The following NPHP1 variants were observed in gnomAD, a reference collection of about 807,000 sequenced individuals.
The protein encoded by NPHP1 is nephrocystin-1.
Under a neutral mutation model 90.4 loss-of-function variants are expected in NPHP1, and 70 were observed. The observed-to-expected ratio is 0.77, with a 90% CI of 0.64 to 0.95. The LOEUF (loss-of-function observed/expected upper bound fraction) is 0.95. Ranked by LOEUF, NPHP1 falls within the 40% of genes least tolerant of loss-of-function variation. NPHP1 has a pLI of 0.00. For missense variants in NPHP1, 764 were observed against 795.9 expected, an observed-to-expected ratio of 0.96 and a Z score of 0.48; for synonymous variants, 256 against 271.7, an observed-to-expected ratio of 0.94 and a Z score of 0.57.
At chr2:110,172,074 G>A (rs1178897979) in intron 4 of NPHP1, among the ~76,000 whole-genome samples, 1 of 152,080 alleles carries the variant, frequency 6.6e-6, no homozygotes, top group Non-Finnish European at 1.5e-5. Context: ...AACTTCTTTA[G>A]TAAATATTTT....
intron 10 of NPHP1, among the ~76,000 whole-genome samples, chr2:110,161,317 C>A (rs1241583094): frequency 6.6e-6 from 1 of 152,120 alleles, no homozygotes; most frequent in Non-Finnish European, 1.5e-5. Flanking sequence ...ATTACTCCAT[C>A]TTTACAGATG....
rs541490834 is a variant in NPHP1, at chr2:110,149,682, T to C, written c.1158+500A>G. ...AGACCTTGGAGGTAGACGAAAGTAA[T>C]GTAAAATAAAATATGGACAATTGAT... On this transcript the variant is annotated intron_variant, in intron 12 of 19. Transcript: ENST00000445609. Among the ~76,000 whole-genome samples, 44 of 152,258 alleles carry C rather than the reference T, an allele frequency of 2.9e-4. 1 individual carries two copies. The highest frequency in any genetic ancestry group is 8.5e-4 in the Admixed American group (13 of 15,280).
At chr2:110,151,610 G>T (rs1040638968) in intron 11 of NPHP1, among the ~76,000 whole-genome samples, 1 of 152,008 alleles carries the variant, frequency 6.6e-6, no homozygotes, top group Non-Finnish European at 1.5e-5. Context: ...AGGAATATAG[G>T]AGTATTTTAT....
At chr2:110,176,552 A>G (rs773842752) in intron 4 of NPHP1, among the ~76,000 whole-genome samples, 13 of 152,048 alleles carry the variant, frequency 8.5e-5, no homozygotes, top group Non-Finnish European at 1.6e-4. Context: ...TGACTCACTT[A>G]CAGACTTTGG....
chr2:110,158,604 CT>C (rs1180991755), intron 11 of NPHP1, among the ~76,000 whole-genome samples: 1 of 151,914 alleles, frequency 6.6e-6, no homozygotes, highest in Non-Finnish European at 1.5e-5. Context: ...TTTTCTCATC[CT>C]TTTTTTCTCT....
chr2:110,161,786 G>C, intron 9 of NPHP1, 89 bp from the exon 10 acceptor site: 1 of 924,912 alleles, frequency 1.1e-6, no homozygotes, highest in South Asian at 1.4e-5. Context: ...CTAGAGTACA[G>C]GCACTTCCAA....
At chr2:110,171,936 G>A (rs1683153153) in intron 4 of NPHP1, among the ~76,000 whole-genome samples, 1 of 152,042 alleles carries the variant, frequency 6.6e-6, no homozygotes, top group South Asian at 2.1e-4. Context: ...ATTTGAAAGT[G>A]TTTCTTCTTT....
rs1424605988 is a variant in NPHP1 at position 110,159,301 on chromosome 2, T to C, written c.1083+826A>G. Among the ~76,000 whole-genome samples the C allele has an allele frequency of 2.6e-5, 4 of 152,020 alleles. 1 individual carries two copies. Among genetic ancestry groups the C allele is most frequent in the Admixed American group, 2.0e-4 (3 of 15,266 alleles). ...GTTTTTTCTGGCCTTATGAAATAAG[T>C]TGGGAAACATTTCTCCTTCATCTGT... On this transcript the variant is annotated intron_variant, in intron 11 of 19. Coordinates refer to ENST00000445609, the MANE Select transcript of NPHP1 (RefSeq NM_001128178.3).
At chr2:110,150,102 A>G (rs1329982382) in intron 12 of NPHP1, 80 bp downstream of exon 12, 4 of 1,081,376 alleles carry the variant, frequency 3.7e-6, no homozygotes, top group Non-Finnish European at 5.8e-6. Flanking sequence ...CTGTTCCCAC[A>G]TACTCTGTGC....
chr2:110,164,922 A>C, intron 7 of NPHP1, 130 bp downstream of exon 7: 1 of 883,652 alleles, frequency 1.1e-6, no homozygotes, highest in East Asian at 2.6e-5. Flanking sequence ...TTAAGCAGAC[A>C]ATAGTATGAA....
intron 2 of NPHP1, among the ~76,000 whole-genome samples, chr2:110,198,725 C>A (rs996153721): frequency 6.6e-6 from 1 of 152,050 alleles, no homozygotes; most frequent in African/African-American, 2.4e-5. Context: ...AAGCTACTTC[C>A]GAGCCTCTGA....
rs1318488822 is a variant in NPHP1, at chr2:110,131,762, A to G, written c.1559T>C (p.Met520Thr). ...SLLPETLIGN[M>T]CSIHLLIFYR... ...AAATATCAACAAGTGAATAGAACAC[A>G]TATTTCCAATTAATGTTTCTGGCAG... Residue 520 changes from methionine (M) to threonine (T), a missense_variant, in exon 17 of 20, where the codon ATG becomes ACG. Met to Thr is a moderately conservative substitution (Grantham distance 81, BLOSUM62 -1). Coordinates refer to ENST00000445609, the MANE Select transcript of NPHP1 (RefSeq NM_001128178.3). 6.2e-6 allele frequency: 10 copies of G among 1,610,348 alleles called. No individual in the cohort carries two copies. The highest frequency in any genetic ancestry group is 7.6e-6 in the Non-Finnish European group (9 of 1,176,672).
In NPHP1 at chr2:110,178,473, G is replaced by T; in HGVS notation, c.279C>A (p.Thr93=). ...EEEHTLLDKL[T]QQLQGLAVTI... is the part of the protein sequence containing the mutation. ...TCACAGCAAGGCCCTGCAGTTGTTG[G>T]GTAAGCTTGTCCAAAAGAGTATGCT... The change falls in exon 4 of 20, where the codon ACC becomes ACA. Residue 93 remains threonine (T), a synonymous_variant. Coordinates refer to ENST00000445609, the MANE Select transcript of NPHP1 (RefSeq NM_001128178.3). 6.2e-7 allele frequency: 1 copy of T among 1,613,782 alleles called. No individual in the cohort carries two copies. The highest frequency in any genetic ancestry group is 8.5e-7 in the Non-Finnish European group (1 of 1,179,796).
Position 110,205,003 on chromosome 2 carries a change from C to T in NPHP1, c.-35G>A. The T allele has an allele frequency of 3.1e-6, 5 of 1,610,702 alleles. No homozygotes were observed. Among genetic ancestry groups the T allele is most frequent in the Non-Finnish European group, 4.2e-6 (5 of 1,177,484 alleles). On this transcript the variant is annotated 5_prime_UTR_variant, in exon 1 of 20. Transcript: ENST00000445609. ...TGCGGTGCTCTGATTGCTCCAGTTG[C>T]CAGGGAAACCAACCGGCGGCGCCAG...
chr2:110,187,875 T>C (rs1356898460), intron 2 of NPHP1, among the ~76,000 whole-genome samples: 1 of 151,772 alleles, frequency 6.6e-6, no homozygotes, highest in African/African-American at 2.4e-5. Flanking sequence ...TACAAATTAA[T>C]AAATGTGATT....
At chr2:110,136,937 C>A (rs879369875) in intron 16 of NPHP1, among the ~76,000 whole-genome samples, 2 of 152,150 alleles carry the variant, frequency 1.3e-5, no homozygotes, top group Admixed American at 6.5e-5. Flanking sequence ...TACAAGGCTA[C>A]AGTAACCAAA....
Position 110,161,592 on chromosome 2 carries a change from A to G in NPHP1, c.954+11T>C. On this transcript the variant is annotated intron_variant, in intron 10 of 19. Coordinates refer to ENST00000445609, the MANE Select transcript of NPHP1 (RefSeq NM_001128178.3). ...AAGAGTTACACTTTTACTGATAGTA[A>G]CTATACTTACAGTGCCTTCTGTAGC... 1.3e-6 allele frequency: 2 copies of G among 1,551,026 alleles called. No individual in the cohort carries two copies. Among genetic ancestry groups the G allele is most frequent in the South Asian group, 2.2e-5 (2 of 89,058 alleles).
In NPHP1 at chr2:110,204,977, C is replaced by G; in HGVS notation, c.-9G>C. Reference sequence around the variant, plus strand: ...TGTCGTCTCGCCAGCATCTCCCTGGCTGCGGTGCTCTGATTGCTCCAGTTG... The same window carrying G: ...TGTCGTCTCGCCAGCATCTCCCTGGGTGCGGTGCTCTGATTGCTCCAGTTG... On this transcript the variant is annotated 5_prime_UTR_variant, in exon 1 of 20. Coordinates refer to ENST00000445609, the MANE Select transcript of NPHP1 (RefSeq NM_001128178.3). 1 of 1,613,836 alleles carries G rather than the reference C, an allele frequency of 6.2e-7. No individual in the cohort carries two copies. Among genetic ancestry groups the G allele is most frequent in the Non-Finnish European group, 8.5e-7 (1 of 1,179,854 alleles).
intron 2 of NPHP1, among the ~76,000 whole-genome samples, chr2:110,187,000 A>G (rs1294027515): frequency 6.6e-6 from 1 of 152,212 alleles, no homozygotes; most frequent in Non-Finnish European, 1.5e-5. Flanking sequence ...ACGTATCAGA[A>G]TCTCTGAAAT....
Sources: allele counts gnomAD v4.1 joint callset (sites outside exome capture counted in the v4.1 genomes callset), GRCh38; gene constraint gnomAD v4.1.1; transcripts MANE v1.5; gene names NCBI Gene and HGNC (gene_info 2026-07-23, HGNC 2026-07-21).